The following CPNE4 variants were observed in gnomAD, a reference collection of about 807,000 sequenced individuals.
CPNE4 encodes copine 4, also known as copine-4.
A neutral mutation model predicts 67.9 loss-of-function variants in CPNE4; 25 were observed. The ratio of observed to expected loss-of-function variants is 0.37; its 90% CI spans 0.27 to 0.51. The LOEUF is 0.51. Ranked by LOEUF, CPNE4 falls within the 20% of genes least tolerant of loss-of-function variation. The pLI, the probability that CPNE4 is intolerant of heterozygous loss-of-function variation, is 0.93. For missense variants in CPNE4, 464 were observed against 690.8 expected, an observed-to-expected ratio of 0.67 and a Z score of 3.68; for synonymous variants, 242 against 244.9, an observed-to-expected ratio of 0.99 and a Z score of 0.11.
At chr3:131,733,337 G>T (rs897346003) in intron 2 of CPNE4, among the ~76,000 whole-genome samples, 4 of 152,198 alleles carry the variant, frequency 2.6e-5, no homozygotes, top group Non-Finnish European at 2.9e-5. Context: ...TGAGTGTCCA[G>T]CACAGTGTTT....
chr3:131,697,693 A>G (rs909119730), intron 4 of CPNE4, among the ~76,000 whole-genome samples: 35 of 152,294 alleles, frequency 2.3e-4, no homozygotes, highest in Admixed American at 1.6e-3. Context: ...AAGAACTATC[A>G]TATTTGTATT....
chr3:131,675,562 A>AT (rs1195766221), intron 6 of CPNE4, among the ~76,000 whole-genome samples: 1 of 151,706 alleles, frequency 6.6e-6, no homozygotes, highest in Non-Finnish European at 1.5e-5. Context: ...TCATTATATA[A>AT]TTTTTTTCTC....
At position 131,954,729 on chromosome 3, in the gene CPNE4, G is replaced by A. The variant is rs145040902; in HGVS notation, c.-1-49285C>T. Among the ~76,000 whole-genome samples, 717 of 152,102 alleles carry A rather than the reference G, an allele frequency of 4.7e-3. 6 individuals carry two copies. Among genetic ancestry groups the A allele is most frequent in the African/African-American group, 0.017 (695 of 41,480 alleles). ...TCTCATTGTTTAATTCCCACCTATG[G>A]GTGAGAACATGCGGTGTTTGGTTTT... On this transcript the variant is annotated intron_variant, in intron 1 of 15. Transcript: ENST00000429747.
At chr3:131,784,186 C>A (rs1236322849) in intron 2 of CPNE4, among the ~76,000 whole-genome samples, 2 of 152,046 alleles carry the variant, frequency 1.3e-5, no homozygotes, top group East Asian at 3.9e-4. Flanking sequence ...AGTTCCTGAC[C>A]AATAAGCCTC....
intron 7 of CPNE4, among the ~76,000 whole-genome samples, chr3:131,607,991 C>T (rs1424348958): frequency 6.6e-6 from 1 of 152,148 alleles, no homozygotes; most frequent in Non-Finnish European, 1.5e-5. Context: ...ACATCTACTA[C>T]ATTGTCAATA....
rs185416464 is a variant in CPNE4, at chr3:131,803,714, G to A, written c.181-80089C>T. On this transcript the variant is annotated intron_variant, in intron 2 of 15. Transcript: ENST00000429747. ...ACCCAAGCTGAGGAGAACATGCTGT[G>A]CTCAGAAATGTTTATTGCAGCACTA... Among the ~76,000 whole-genome samples the A allele has an allele frequency of 1.1e-3, 174 of 152,304 alleles. No homozygotes were observed. In the South Asian group the frequency reaches 0.012, roughly 11 times the overall value.
intron 1 of CPNE4, among the ~76,000 whole-genome samples, chr3:132,001,100 G>A (rs774213492): frequency 1.1e-4 from 17 of 151,946 alleles, no homozygotes; most frequent in Admixed American, 3.3e-4. Context: ...TCTTCATATT[G>A]TAGATGCAAG....
intron 2 of CPNE4, among the ~76,000 whole-genome samples, chr3:131,869,573 C>T (rs2087107857): frequency 6.6e-6 from 1 of 152,096 alleles, no homozygotes; most frequent in Admixed American, 6.6e-5. Flanking sequence ...TCCCTCACTT[C>T]TACATATTTT....
intron 2 of CPNE4, among the ~76,000 whole-genome samples, chr3:131,886,347 T>C (rs2087893126): frequency 6.6e-6 from 1 of 152,346 alleles, no homozygotes; most frequent in African/African-American, 2.4e-5. Flanking sequence ...TTTGGGAACC[T>C]CTGCCTATAT....
intron 1 of CPNE4, among the ~76,000 whole-genome samples, chr3:131,978,114 A>T (rs867585648): frequency 8.4e-5 from 5 of 59,656 alleles, no homozygotes; most frequent in East Asian, 1.0e-3. Context: ...TATATAAAAT[A>T]TATATAAATA....
chr3:132,016,342 C>T (rs16838303), intron 1 of CPNE4, among the ~76,000 whole-genome samples: 5,570 of 152,218 alleles, frequency 0.037, 374 homozygotes, highest in African/African-American at 0.13. Flanking sequence ...TTTCAACCAC[C>T]GATCTAGGAC....
chr3:131,679,964 C>T (rs1439595326), intron 6 of CPNE4, among the ~76,000 whole-genome samples: 1 of 152,104 alleles, frequency 6.6e-6, no homozygotes, highest in Non-Finnish European at 1.5e-5. Context: ...GTGCTGAGTT[C>T]AGGTCCTGAA....
chr3:131,615,915 ACACACACACACACG>A (rs1308035711), intron 7 of CPNE4, among the ~76,000 whole-genome samples: 1,041 of 98,108 alleles, frequency 0.011, 14 homozygotes, highest in African/African-American at 0.062. Flanking sequence ...ACACACACAC[ACACACACACACACG>A]CACACACACA....
At chr3:131,636,045 C>A (rs1272676532) in intron 7 of CPNE4, among the ~76,000 whole-genome samples, 1 of 90,374 alleles carries the variant, frequency 1.1e-5, no homozygotes, top group Non-Finnish European at 1.9e-5. Flanking sequence ...CCCGCCACTG[C>A]ACTCCAGCCT....
At chr3:131,761,405 C>G (rs1444865871) in intron 2 of CPNE4, among the ~76,000 whole-genome samples, 1 of 151,792 alleles carries the variant, frequency 6.6e-6, no homozygotes, top group African/African-American at 2.4e-5. Context: ...CATTCTTAAT[C>G]AGATTACCAA....
At chr3:131,642,806 C>A (rs2079571864) in intron 7 of CPNE4, among the ~76,000 whole-genome samples, 2 of 152,246 alleles carry the variant, frequency 1.3e-5, no homozygotes, top group African/African-American at 4.8e-5. Flanking sequence ...TTTCCTGAGG[C>A]CTCCCCAGCC....
At chr3:131,799,340 G>A (rs1583217210) in intron 2 of CPNE4, among the ~76,000 whole-genome samples, 2 of 152,054 alleles carry the variant, frequency 1.3e-5, no homozygotes, top group South Asian at 4.1e-4. Flanking sequence ...CATTTAAGAC[G>A]TGGCACCCAA....
At chr3:131,573,957 G>C (rs1462241158) in intron 10 of CPNE4, among the ~76,000 whole-genome samples, 1 of 152,160 alleles carries the variant, frequency 6.6e-6, no homozygotes, top group South Asian at 2.1e-4. Flanking sequence ...ACCTCCCTGA[G>C]ATTAGGGCAG....
chr3:131,594,948 C>T (rs373821374), intron 7 of CPNE4, among the ~76,000 whole-genome samples: 22 of 152,256 alleles, frequency 1.4e-4, no homozygotes, highest in African/African-American at 4.3e-4. Flanking sequence ...CAGGTGTATA[C>T]GAAGGTGCTT....
Sources: allele counts gnomAD v4.1 joint callset (sites outside exome capture counted in the v4.1 genomes callset), GRCh38; gene constraint gnomAD v4.1.1; transcripts MANE v1.5; gene names NCBI Gene and HGNC (gene_info 2026-07-23, HGNC 2026-07-21).